The following MOSMO variants were observed in gnomAD, a reference collection of about 807,000 sequenced individuals.
MOSMO encodes modulator of smoothened protein.
In MOSMO, 5 loss-of-function variants were observed where a neutral mutation model predicts 18.4. That is an observed-to-expected ratio of 0.27 (90% confidence interval 0.14 to 0.57). MOSMO has a LOEUF of 0.57. Among genes scored for constraint, MOSMO ranks in the 20% least tolerant of loss-of-function variants. The probability of loss-of-function intolerance (pLI) is 0.92; values close to 1 mark genes in which losing one functional copy is unlikely to be tolerated. For synonymous variants in MOSMO, 82 were observed against 82.3 expected (o/e 1.00, Z 0.02); for missense variants, 138 against 211.8 (o/e 0.65, Z 2.16).
chr16:22,080,645 T>C lies in MOSMO; in HGVS notation c.320-51T>C, dbSNP rs1045930099. 2.2e-5 allele frequency: 27 copies of C among 1,246,824 alleles called. No individual in the cohort carries two copies. The Admixed American group carries it at 6.8e-4, about 32-fold the overall frequency. 77.2% of individuals were successfully genotyped at this position (1,246,824 alleles called of 1,614,324 possible). On this transcript the variant is annotated intron_variant, in intron 2 of 2. Transcript: ENST00000542527. Reference sequence around the variant, plus strand: ...CTTTGTGCCAAATTTTCATTGTTTTTTGAAATCACCAAACCATGTTACTAA... The same window carrying C: ...CTTTGTGCCAAATTTTCATTGTTTTCTGAAATCACCAAACCATGTTACTAA...
chr16:22,077,210 ATGAT>A (rs1900986698), intron 2 of MOSMO, among the ~76,000 whole-genome samples: 1 of 152,136 alleles, frequency 6.6e-6, no homozygotes. Context: ...AACCTAAAAT[ATGAT>A]TTAGCAAGGT....
chr16:22,035,366 T>C (rs1442597956), intron 1 of MOSMO, among the ~76,000 whole-genome samples: 1 of 151,606 alleles, frequency 6.6e-6, no homozygotes, highest in Admixed American at 6.6e-5. Context: ...ATGACTTATT[T>C]CCCCTTTCCC....
intron 1 of MOSMO, among the ~76,000 whole-genome samples, chr16:22,034,744 G>GTTTTTTTTTTTTTTTTTTTTTTTT (rs890874059): frequency 1.8e-5 from 1 of 55,456 alleles, no homozygotes; most frequent in Non-Finnish European, 3.2e-5. Flanking sequence ...GTTTTTTTGG[G>GTTTTTTTTTTTTTTTTTTTTTTTT]TTTTTTTTTT....
chr16:22,034,510 A>G (rs1387746150), intron 1 of MOSMO, among the ~76,000 whole-genome samples: 4 of 152,096 alleles, frequency 2.6e-5, no homozygotes, highest in Admixed American at 2.0e-4. Flanking sequence ...TTTTCTTTCA[A>G]CACTTAAAAT....
intron 1 of MOSMO, among the ~76,000 whole-genome samples, chr16:22,024,014 T>TATATATATATATATATATA (rs1411057144): frequency 1.5e-5 from 2 of 136,930 alleles, no homozygotes; most frequent in African/African-American, 5.8e-5. Flanking sequence ...TATATATATA[T>TATATATATATATATATATA]ATTTTCTTAA....
chr16:22,036,285 C>T (rs1271450126), intron 1 of MOSMO, among the ~76,000 whole-genome samples: 1 of 151,986 alleles, frequency 6.6e-6, no homozygotes, highest in Non-Finnish European at 1.5e-5. Context: ...CACCACCATG[C>T]CTGGCTAATT....
rs150585845 is a variant in MOSMO, at chr16:22,025,067, C to T, written c.106+16660C>T. 3.3e-5 allele frequency among the ~76,000 whole-genome samples: 5 copies of T among 151,300 alleles called. No homozygotes were observed. In the East Asian group the frequency reaches 5.8e-4, roughly 18 times the overall value. On this transcript the variant is annotated intron_variant, in intron 1 of 2. Transcript: ENST00000542527. ...ACTCGGGAGGCTGAGGCAGAAGGAT[C>T]GCTTGAGCCTAGGAGTTCAAGGCTG... is the stretch of plus-strand genomic sequence containing the variant.
intron 1 of MOSMO, among the ~76,000 whole-genome samples, chr16:22,053,928 G>T (rs1182436700): frequency 1.3e-5 from 2 of 152,186 alleles, no homozygotes; most frequent in African/African-American, 4.8e-5. Flanking sequence ...TGTAGCAAAT[G>T]TATATAGTAC....
chr16:22,027,563 T>G (rs1020712721), intron 1 of MOSMO, among the ~76,000 whole-genome samples: 1 of 152,182 alleles, frequency 6.6e-6, no homozygotes, highest in African/African-American at 2.4e-5. Context: ...ACTCAAAATA[T>G]AGTGGCAGCT....
At chr16:22,034,744 GTTTT>G (rs890874059) in intron 1 of MOSMO, among the ~76,000 whole-genome samples, 2,008 of 55,114 alleles carry the variant, frequency 0.036, 17 homozygotes, top group Non-Finnish European at 0.053. Flanking sequence ...GTTTTTTTGG[GTTTT>G]TTTTTTTTTT....
At chr16:22,012,609 A>G (rs1899554514) in intron 1 of MOSMO, among the ~76,000 whole-genome samples, 1 of 152,100 alleles carries the variant, frequency 6.6e-6, no homozygotes, top group South Asian at 2.1e-4. Flanking sequence ...CCATGCTTAG[A>G]ACAAGTTAAA....
In MOSMO at chr16:22,008,205, C is replaced by A; in HGVS notation, c.-97C>A. 2.1e-6 allele frequency: 1 copy of A among 467,756 alleles called. No homozygotes were observed. Among genetic ancestry groups the A allele is most frequent in the Non-Finnish European group, 3.1e-6 (1 of 325,146 alleles). The allele number at this position is 467,756 out of a possible 1,614,324, so 29.0% of individuals were successfully genotyped here. ...GGGCCGAGGGGGCGCGAGGCAGCGG[C>A]GCGGGGACTCCGGGCCCCGGCGGCG... On this transcript the variant is annotated 5_prime_UTR_variant, in exon 1 of 3. Transcript: ENST00000542527.
intron 1 of MOSMO, among the ~76,000 whole-genome samples, chr16:22,030,124 A>G (rs1048225127): frequency 5.9e-5 from 9 of 152,176 alleles, no homozygotes; most frequent in Admixed American, 1.3e-4. Context: ...AATCTACACA[A>G]AGGACATCAT....
At chr16:22,012,354 A>G (rs754303097) in intron 1 of MOSMO, among the ~76,000 whole-genome samples, 1 of 152,194 alleles carries the variant, frequency 6.6e-6, no homozygotes, top group Non-Finnish European at 1.5e-5. Flanking sequence ...AAGTAGGGAT[A>G]ATAAAAGTAT....
intron 1 of MOSMO, among the ~76,000 whole-genome samples, chr16:22,036,676 G>T (rs1371053468): frequency 1.3e-5 from 2 of 152,066 alleles, no homozygotes; most frequent in Non-Finnish European, 2.9e-5. Context: ...CCAGCTACTG[G>T]CATCAAGGTA....
At chr16:22,075,743 C>A in intron 2 of MOSMO, 44 bp downstream of exon 2, 2 of 1,326,228 alleles carry the variant, frequency 1.5e-6, no homozygotes, top group Non-Finnish European at 2.1e-6. Flanking sequence ...AGGCACCCAC[C>A]CACACTGGTA....
downstream of MOSMO, among the ~76,000 whole-genome samples, chr16:22,089,560 G>GGAGTA (rs1376940726): frequency 6.6e-6 from 1 of 152,094 alleles, no homozygotes; most frequent in East Asian, 1.9e-4. Context: ...ACTGGTTATT[G>GGAGTA]GAGTACTCTA....
intron 1 of MOSMO, among the ~76,000 whole-genome samples, chr16:22,014,559 A>G (rs1433872727): frequency 1.3e-5 from 2 of 152,196 alleles, no homozygotes; most frequent in Non-Finnish European, 2.9e-5. Context: ...AGGGTTCAAG[A>G]TCTACAGGTA....
intron 1 of MOSMO, among the ~76,000 whole-genome samples, chr16:22,016,594 A>AT (rs1367900977): frequency 1.3e-5 from 2 of 152,150 alleles, no homozygotes; most frequent in Middle Eastern, 3.2e-3. Flanking sequence ...TTGGGTTTTT[A>AT]TGTTTCTGGA....
Sources: gnomAD v4.1 joint callset for allele counts (sites outside exome capture counted in the v4.1 genomes callset) on GRCh38, gnomAD v4.1.1 for gene constraint, MANE v1.5 for transcripts, NCBI Gene and HGNC (gene_info 2026-07-23, HGNC 2026-07-21) for gene names.